GCNT2: variants seen among roughly 807,000 people sequenced by gnomAD.
GCNT2 encodes the protein glucosaminyl (N-acetyl) transferase 2 (I blood group), also known as N-acetyllactosaminide beta-1,6-N-acetylglucosaminyl-transferase.
Under a neutral mutation model 34.2 loss-of-function variants are expected in GCNT2, and 34 were observed. The observed-to-expected ratio is 1.00, with a 90% CI of 0.76 to 1.32. The LOEUF is 1.32. Ranked by LOEUF, GCNT2 falls within the 40% of genes most tolerant of loss-of-function variation. The pLI, the probability that GCNT2 is intolerant of heterozygous loss-of-function variation, is 0.00. For synonymous variants in GCNT2, 212 were observed against 188.0 expected, an observed-to-expected ratio of 1.13 and a Z score of -1.04; for missense variants, 584 against 489.4, an observed-to-expected ratio of 1.19 and a Z score of -1.82.
chr6:10,603,141 T>C (rs1415129114), intron 3 of GCNT2, among the ~76,000 whole-genome samples: 1 of 152,196 alleles, frequency 6.6e-6, no homozygotes, highest in Non-Finnish European at 1.5e-5. Flanking sequence ...GAGGCAGTTT[T>C]TGAACTCAAA....
chr6:10,540,868 C>T (rs1175810266), intron 3 of GCNT2, among the ~76,000 whole-genome samples: 1 of 152,166 alleles, frequency 6.6e-6, no homozygotes, highest in Non-Finnish European at 1.5e-5. Flanking sequence ...GACAAACATC[C>T]TTTGCTGCCA....
rs1763830506 is a variant in GCNT2, at chr6:10,576,694, A to G, written c.926-44657A>G. 4.0e-5 allele frequency among the ~76,000 whole-genome samples: 6 copies of G among 151,434 alleles called. No homozygotes were observed. The South Asian group carries it at 1.2e-3, about 32-fold the overall frequency. ...GACAGAAAGAGATTTGGGGAGAGAG[A>G]GAGACACACACATAGAAAGAAGAAC... On this transcript the variant is annotated intron_variant, in intron 3 of 4. Transcript: ENST00000495262.
chr6:10,556,975 C>G (rs199770755), intron 3 of GCNT2: 64 of 1,613,812 alleles, frequency 4.0e-5, no homozygotes, highest in Admixed American at 2.5e-4. Context: ...CATGGAAGTA[C>G]GTTATCAACA....
At chr6:10,569,768 A>C (rs551062542) in intron 3 of GCNT2, among the ~76,000 whole-genome samples, 1 of 152,270 alleles carries the variant, frequency 6.6e-6, no homozygotes, top group South Asian at 2.1e-4. Flanking sequence ...TAGTTTTTCC[A>C]TGCTAGGACT....
In GCNT2 at chr6:10,571,045, AC is replaced by A. The variant is rs571765816; in HGVS notation, c.925+41211del. Among the ~76,000 whole-genome samples the A allele has an allele frequency of 4.2e-4, 64 of 152,282 alleles. 1 individual carries two copies. In the South Asian group the frequency reaches 0.013, roughly 31 times the overall value. On this transcript the variant is annotated intron_variant, in intron 3 of 4. Transcript: ENST00000495262. ...ATCTAAAATAATGACAGCGTTTAGAACCACAAGCGGCCTTAGAGAACATCCT... is the reference window on the plus strand; with the variant it reads ...ATCTAAAATAATGACAGCGTTTAGAACACAAGCGGCCTTAGAGAACATCCT...
At chr6:10,523,052 C>T (rs193137348) in intron 1 of GCNT2, among the ~76,000 whole-genome samples, 2 of 152,300 alleles carry the variant, frequency 1.3e-5, no homozygotes, top group Admixed American at 1.3e-4. Flanking sequence ...GCCTCGACTC[C>T]GCCTAGTAAC....
chr6:10,540,389 G>GTTCTC (rs71548848), intron 3 of GCNT2, among the ~76,000 whole-genome samples: 70,048 of 151,646 alleles, frequency 0.46, 18,870 homozygotes, highest in African/African-American at 0.77. Context: ...ATTCTCCTCT[G>GTTCTC]TTCAAGATCC....
In GCNT2 at chr6:10,563,022, G is replaced by T. The variant is rs529133307; in HGVS notation, c.925+33186G>T. Among the ~76,000 whole-genome samples, 4 of 152,252 alleles carry T rather than the reference G, an allele frequency of 2.6e-5. No homozygotes were observed. In the South Asian group the frequency reaches 8.3e-4, roughly 32 times the overall value. On this transcript the variant is annotated intron_variant, in intron 3 of 4. Coordinates refer to ENST00000495262, the MANE Select transcript of GCNT2 (RefSeq NM_145649.5). Reference sequence around the variant, plus strand: ...AAATATACAGAATTAGTTGGGTGTGGTGCACGCCTGTAATCCCAGCTACTC... The same window carrying T: ...AAATATACAGAATTAGTTGGGTGTGTTGCACGCCTGTAATCCCAGCTACTC...
At chr6:10,616,589 T>C (rs1390391718) in intron 3 of GCNT2, among the ~76,000 whole-genome samples, 3 of 151,820 alleles carry the variant, frequency 2.0e-5, no homozygotes, top group Admixed American at 1.3e-4. Flanking sequence ...CTGAGCTAGA[T>C]ACAGAGTGCC....
At chr6:10,534,973 C>A (rs1365838414) in intron 3 of GCNT2, among the ~76,000 whole-genome samples, 1 of 152,172 alleles carries the variant, frequency 6.6e-6, no homozygotes, top group Non-Finnish European at 1.5e-5. Flanking sequence ...CACCTGAGGT[C>A]AGAAGTTTGA....
chr6:10,561,542 T>A (rs866995523), intron 3 of GCNT2, among the ~76,000 whole-genome samples: 6 of 152,222 alleles, frequency 3.9e-5, no homozygotes, highest in African/African-American at 1.4e-4. Flanking sequence ...CTTTGTGAAA[T>A]TGTTCAGCAT....
intron 3 of GCNT2, among the ~76,000 whole-genome samples, chr6:10,530,439 TATAA>T (rs1761430047): frequency 2.0e-5 from 3 of 152,208 alleles, no homozygotes; most frequent in Non-Finnish European, 4.4e-5. Context: ...GAATATGTAT[TATAA>T]ATAAAATTTG....
intron 3 of GCNT2, among the ~76,000 whole-genome samples, chr6:10,551,811 G>A (rs1762494227): frequency 1.3e-5 from 2 of 151,856 alleles, no homozygotes; most frequent in South Asian, 4.2e-4. Flanking sequence ...AGGCTGGAGT[G>A]CAGTGGCGCC....
chr6:10,586,051 G>T (rs2127412873), intron 3 of GCNT2: 1 of 1,614,142 alleles, frequency 6.2e-7, no homozygotes. Context: ...ATTTTTGTGA[G>T]ATTTTACAGT....
intron 1 of GCNT2, among the ~76,000 whole-genome samples, chr6:10,525,007 A>G (rs1054001978): frequency 3.9e-5 from 6 of 152,094 alleles, no homozygotes; most frequent in African/African-American, 1.4e-4. Flanking sequence ...TTGGGCACAC[A>G]GGTGATGTCA....
chr6:10,578,359 G>A (rs1351076294), intron 3 of GCNT2, among the ~76,000 whole-genome samples: 1 of 149,980 alleles, frequency 6.7e-6, no homozygotes, highest in East Asian at 2.0e-4. Context: ...CCAGCCCCTG[G>A]GCAACAGAGT....
rs771783647 is a variant in GCNT2, at chr6:10,626,587, C to CA, written c.1191dup (p.Pro398ThrfsTer10). 6.2e-7 allele frequency: 1 copy of CA among 1,613,450 alleles called. No individual in the cohort carries two copies. On this transcript the variant is annotated frameshift_variant, in exon 5 of 5. Coordinates refer to ENST00000495262, the MANE Select transcript of GCNT2 (RefSeq NM_145649.5). LOFTEE classifies it high-confidence loss of function. ...CCTCAATCAGAGTGAAACTGCGATA[C>CA]AACCCAGCTGGTATTTTTGAGCTAT...
chr6:10,603,882 GGTTTGTT>G (rs1181475918), intron 3 of GCNT2, among the ~76,000 whole-genome samples: 3 of 111,966 alleles, frequency 2.7e-5, no homozygotes, highest in African/African-American at 5.9e-5. Context: ...TTTGTTTTTT[GGTTTGTT>G]GTTTGTTTGT....
At chr6:10,624,944 TC>T (rs1302006043) in intron 4 of GCNT2, among the ~76,000 whole-genome samples, 5 of 152,194 alleles carry the variant, frequency 3.3e-5, no homozygotes, top group Non-Finnish European at 5.9e-5. Context: ...CTATGAACCT[TC>T]TGCTTTCTCC....
Sources: allele counts gnomAD v4.1 joint callset (sites outside exome capture counted in the v4.1 genomes callset), GRCh38; gene constraint gnomAD v4.1.1; transcripts MANE v1.5; gene names NCBI Gene and HGNC (gene_info 2026-07-23, HGNC 2026-07-21).